Variants in LONP2 observed in about 807,000 individuals in gnomAD.
LONP2 encodes the protein lon protease homolog 2, peroxisomal.
A neutral mutation model predicts 85.6 loss-of-function variants in LONP2; 60 were observed. The ratio of observed to expected loss-of-function variants is 0.70; its 90% CI spans 0.57 to 0.87. The LOEUF is 0.87. LONP2 is among the 40% of genes least tolerant of loss of function. The probability of loss-of-function intolerance (pLI) is 0.00; values close to 1 mark genes in which losing one functional copy is unlikely to be tolerated. For missense variants in LONP2, 860 were observed against 1,063.5 expected (o/e 0.81, Z 2.66); for synonymous variants, 395 against 389.7 (o/e 1.01, Z -0.16).
chr16:48,284,966 G>A (rs981249943), intron 8 of LONP2, among the ~76,000 whole-genome samples: 4 of 152,094 alleles, frequency 2.6e-5, no homozygotes, highest in Non-Finnish European at 4.4e-5. Context: ...CTGCCAGTGC[G>A]CTCTATTTCT....
rs933720076 is a variant in LONP2 at position 48,341,904 on chromosome 16, C to T, written c.1939-5603C>T. On this transcript the variant is annotated intron_variant, in intron 12 of 14. Transcript: ENST00000285737. ...GCCCCGAATCCGAGGAGGGGCCATGCGAGTAGGTGGGCCTAGGCACCTCCT... is the reference window on the plus strand; with the variant it reads ...GCCCCGAATCCGAGGAGGGGCCATGTGAGTAGGTGGGCCTAGGCACCTCCT... Among the ~76,000 whole-genome samples the T allele has an allele frequency of 1.6e-4, 25 of 152,150 alleles. 1 individual carries two copies. The highest frequency in any genetic ancestry group is 8.5e-4 in the Admixed American group (13 of 15,272).
At chr16:48,252,428 A>G (rs1971674936) in intron 2 of LONP2, 63 bp downstream of exon 2, 2 of 1,057,624 alleles carry the variant, frequency 1.9e-6, no homozygotes, top group Admixed American at 2.7e-5. Flanking sequence ...TTCCTAAGAT[A>G]TGGTGAATCT....
At chr16:48,249,243 TACAGAGCTACTAGCTA>T (rs1971558768) in intron 1 of LONP2, among the ~76,000 whole-genome samples, 1 of 152,224 alleles carries the variant, frequency 6.6e-6, no homozygotes, top group African/African-American at 2.4e-5. Context: ...GATGTAGATT[TACAGAGCTACTAGCTA>T]AAGGGAAGGA....
intron 8 of LONP2, among the ~76,000 whole-genome samples, chr16:48,278,826 C>T (rs985791935): frequency 1.3e-5 from 2 of 152,020 alleles, no homozygotes; most frequent in Admixed American, 6.6e-5. Flanking sequence ...TTCTTAAATT[C>T]TTTTATTGAT....
chr16:48,260,780 G>T (rs779976294), intron 4 of LONP2, among the ~76,000 whole-genome samples: 1 of 152,188 alleles, frequency 6.6e-6, no homozygotes, highest in African/African-American at 2.4e-5. Context: ...AGATTTGAAA[G>T]AACAATTTTG....
chr16:48,261,639 G>A (rs377063024), intron 5 of LONP2, 52 bp downstream of exon 5: 133 of 1,300,750 alleles, frequency 1.0e-4, no homozygotes, highest in South Asian at 1.4e-4. Context: ...TGGTACTCCT[G>A]ATTAACACCA....
rs1391176105 is a variant in LONP2 at position 48,252,196 on chromosome 16, T to C, written c.299T>C (p.Leu100Pro). ...GSNWPKPHYTLLITGLCRFQI... is the reference protein window; with the variant it reads ...GSNWPKPHYTPLITGLCRFQI... Reference sequence around the variant, plus strand: ...AACTGGCCCAAGCCCCACTACACTCTGTTGATTACAGGCCTATGCCGTTTC... The same window carrying C: ...AACTGGCCCAAGCCCCACTACACTCCGTTGATTACAGGCCTATGCCGTTTC... Residue 100 changes from leucine (L) to proline (P), a missense_variant, in exon 2 of 15, where the codon CTG becomes CCG. By Grantham distance (98) the Leu-to-Pro change is moderately conservative. Coordinates refer to ENST00000285737, the MANE Select transcript of LONP2 (RefSeq NM_031490.5). The C allele has an allele frequency of 6.2e-7, 1 of 1,613,888 alleles. No homozygotes were observed. Among genetic ancestry groups the C allele is most frequent in the Non-Finnish European group, 8.5e-7 (1 of 1,179,790 alleles).
chr16:48,280,421 TAAAC>T (rs1373763589), intron 8 of LONP2, among the ~76,000 whole-genome samples: 1 of 152,244 alleles, frequency 6.6e-6, no homozygotes, highest in Non-Finnish European at 1.5e-5. Context: ...GTTCAGTTGA[TAAAC>T]AATATGTTTT....
chr16:48,338,665 T>C (rs932858261), intron 12 of LONP2, among the ~76,000 whole-genome samples: 3 of 152,144 alleles, frequency 2.0e-5, no homozygotes, highest in African/African-American at 7.2e-5. Context: ...CCCAGCACTT[T>C]GGGAGGCTGA....
At chr16:48,351,348 C>A (rs1311630327) in intron 14 of LONP2, among the ~76,000 whole-genome samples, 2 of 152,260 alleles carry the variant, frequency 1.3e-5, no homozygotes, top group South Asian at 2.1e-4. Context: ...TACCTATCAA[C>A]AATTTAGAAT....
chr16:48,246,220 A>T (rs904672278), intron 1 of LONP2, among the ~76,000 whole-genome samples: 1 of 152,204 alleles, frequency 6.6e-6, no homozygotes, highest in Non-Finnish European at 1.5e-5. Context: ...TCAAGCATGG[A>T]AAATATTTTG....
intron 7 of LONP2, 39 bp downstream of exon 7, chr16:48,270,313 TC>T (rs775274672): frequency 1.2e-6 from 2 of 1,602,588 alleles, no homozygotes; most frequent in Non-Finnish European, 1.7e-6. Flanking sequence ...GATTCCTCTT[TC>T]TTTTTAATTG....
downstream of LONP2, chr16:48,360,686 T>C (rs1960548089): frequency 6.6e-6 from 1 of 152,590 alleles, no homozygotes; most frequent in African/African-American, 2.4e-5. Flanking sequence ...CAAGAACAAA[T>C]TTTAAAATAT....
At chr16:48,360,959 AT>A (rs1449388752), downstream of LONP2, 1 of 152,258 alleles carries the variant, frequency 6.6e-6, no homozygotes, top group African/African-American at 2.4e-5. Flanking sequence ...GGAAAAGAAA[AT>A]ATTGAACACG....
chr16:48,265,594 G>A (rs1243687335), intron 6 of LONP2, among the ~76,000 whole-genome samples: 1 of 152,074 alleles, frequency 6.6e-6, no homozygotes, highest in East Asian at 1.9e-4. Flanking sequence ...GTCTGTTTTT[G>A]TGCCAGAATC....
At chr16:48,297,842 G>A (rs1329637482) in intron 9 of LONP2, among the ~76,000 whole-genome samples, 1 of 152,050 alleles carries the variant, frequency 6.6e-6, no homozygotes. Flanking sequence ...TGGGACTACA[G>A]GCGTGCACCA....
downstream of LONP2, among the ~76,000 whole-genome samples, chr16:48,360,361 A>G (rs1028360958): frequency 1.3e-5 from 2 of 151,972 alleles, no homozygotes; most frequent in Non-Finnish European, 2.9e-5. Context: ...GGGCATGGGA[A>G]AGACTAATCC....
At position 48,301,576 on chromosome 16, in the gene LONP2, G is replaced by A. The variant is rs548557616; in HGVS notation, c.1662-1596G>A. ...CTTGAACCAGGGAGGTGGAGGTTGC[G>A]GTGAGTTGAGATCGTGCCACTGCAC... On this transcript the variant is annotated intron_variant, in intron 10 of 14. Transcript: ENST00000285737. 1.7e-4 allele frequency among the ~76,000 whole-genome samples: 26 copies of A among 151,790 alleles called. No homozygotes were observed. In the South Asian group the frequency reaches 4.6e-3, roughly 27 times the overall value.
intron 8 of LONP2, among the ~76,000 whole-genome samples, chr16:48,295,228 C>T (rs1362968739): frequency 6.6e-6 from 1 of 152,090 alleles, no homozygotes; most frequent in Non-Finnish European, 1.5e-5. Flanking sequence ...AAAAGTTAGC[C>T]AGGCATGGTG....
Sources: allele counts gnomAD v4.1 joint callset (sites outside exome capture counted in the v4.1 genomes callset), GRCh38; gene constraint gnomAD v4.1.1; transcripts MANE v1.5; gene names NCBI Gene and HGNC (gene_info 2026-07-23, HGNC 2026-07-21).